NFIC: variants seen among roughly 807,000 people sequenced by gnomAD.
NFIC encodes nuclear factor I C.
A neutral mutation model predicts 54.4 loss-of-function variants in NFIC; 12 were observed. The ratio of observed to expected loss-of-function variants is 0.22; its 90% CI spans 0.14 to 0.36. The LOEUF (loss-of-function observed/expected upper bound fraction) is 0.36. Among genes scored for constraint, NFIC ranks in the 10% least tolerant of loss-of-function variants. The pLI, the probability that NFIC is intolerant of heterozygous loss-of-function variation, is 1.00. For missense variants in NFIC, 575 were observed against 718.2 expected, an observed-to-expected ratio of 0.80 and a Z score of 2.28; for synonymous variants, 322 against 319.2, an observed-to-expected ratio of 1.01 and a Z score of -0.09.
chr19:3,461,350 G>C (rs974847023), intron 10 of NFIC, among the ~76,000 whole-genome samples: 1 of 152,154 alleles, frequency 6.6e-6, no homozygotes, highest in African/African-American at 2.4e-5. Flanking sequence ...TTGAGCCCAG[G>C]AGATGGAGGC....
rs2082355009 is a variant in NFIC, at chr19:3,445,110, CACATGCACAG to C, written c.959-3894_959-3885del. 2.0e-5 allele frequency among the ~76,000 whole-genome samples: 3 copies of C among 152,182 alleles called. No individual in the cohort carries two copies. The South Asian group carries it at 6.2e-4, about 31-fold the overall frequency. On this transcript the variant is annotated intron_variant, in intron 6 of 10. Transcript: ENST00000443272. ...CCACATATGCTCACATGCGTACACA[CACATGCACAG>C]ACATGCACACATGCATGCAGCTGTG...
At chr19:3,381,147 T>C (rs2081199657) in intron 1 of NFIC, among the ~76,000 whole-genome samples, 1 of 151,922 alleles carries the variant, frequency 6.6e-6, no homozygotes, top group Non-Finnish European at 1.5e-5. Context: ...TCCCAGCACT[T>C]GGGGAGGCCG....
chr19:3,431,013 C>T (rs2082112208), intron 3 of NFIC, among the ~76,000 whole-genome samples: 1 of 151,780 alleles, frequency 6.6e-6, no homozygotes, highest in Non-Finnish European at 1.5e-5. Context: ...GTGTCCCTCA[C>T]TGAATGATGT....
chr19:3,452,765 G>T lies in NFIC; in HGVS notation c.1269+99G>T. The T allele has an allele frequency of 7.1e-7, 1 of 1,417,362 alleles. No individual in the cohort carries two copies. Among genetic ancestry groups the T allele is most frequent in the Non-Finnish European group, 9.4e-7 (1 of 1,058,340 alleles). 87.8% of individuals were successfully genotyped at this position (1,417,362 alleles called of 1,614,324 possible). A position where few individuals can be genotyped will look rare whatever the true frequency, so the allele number is the denominator to read the frequency against. On this transcript the variant is annotated intron_variant, in intron 8 of 10. Transcript: ENST00000443272. The surrounding 1 kb of genome is among the most constrained non-coding windows in gnomAD (Gnocchi z 5.3). ...GAAGGCACAACCTCTGCTTAAAAGGGTCTTGAGGACTTGGCTCTGAAGTCC... is the reference window on the plus strand; with the variant it reads ...GAAGGCACAACCTCTGCTTAAAAGGTTCTTGAGGACTTGGCTCTGAAGTCC...
At chr19:3,376,927 G>A (rs1338526315) in intron 1 of NFIC, among the ~76,000 whole-genome samples, 11 of 151,520 alleles carry the variant, frequency 7.3e-5, no homozygotes, top group African/African-American at 2.4e-4. Flanking sequence ...ATGGGGTTTC[G>A]CCATGTTGGC....
At chr19:3,385,306 G>T (rs926346211) in intron 2 of NFIC, among the ~76,000 whole-genome samples, 1 of 151,850 alleles carries the variant, frequency 6.6e-6, no homozygotes, top group Non-Finnish European at 1.5e-5. Flanking sequence ...CACTGGCTGG[G>T]TGATGTGGGG....
intron 2 of NFIC, among the ~76,000 whole-genome samples, chr19:3,394,474 CAACTCA>C (rs958855606): frequency 7.2e-6 from 1 of 139,722 alleles, no homozygotes; most frequent in African/African-American, 2.9e-5. Flanking sequence ...AGCAAGACTT[CAACTCA>C]AAAAAAAAGT....
intron 3 of NFIC, among the ~76,000 whole-genome samples, chr19:3,430,707 G>A (rs931903829): frequency 3.3e-5 from 5 of 151,948 alleles, no homozygotes; most frequent in African/African-American, 1.2e-4. Context: ...GCCAAGGTGG[G>A]TGGATCATGT....
chr19:3,373,826 T>C lies in NFIC; in HGVS notation c.30+7160T>C, dbSNP rs1188843875. ...CTCGGCACCCTACCTGGGACCGGCATGCAGCAGGCACTCACTAAATGTTTG... is the reference window on the plus strand; with the variant it reads ...CTCGGCACCCTACCTGGGACCGGCACGCAGCAGGCACTCACTAAATGTTTG... On this transcript the variant is annotated intron_variant, in intron 1 of 10. Coordinates refer to ENST00000443272, the MANE Select transcript of NFIC (RefSeq NM_001245002.2). Among the ~76,000 whole-genome samples, 4 of 152,170 alleles carry C rather than the reference T, an allele frequency of 2.6e-5. No homozygotes were observed. In the East Asian group the frequency reaches 5.8e-4, roughly 22 times the overall value.
At chr19:3,436,930 C>T (rs1015207650) in intron 6 of NFIC, among the ~76,000 whole-genome samples, 1 of 152,178 alleles carries the variant, frequency 6.6e-6, no homozygotes, top group Admixed American at 6.5e-5. Context: ...GCCTCAGTTT[C>T]TTCATCTCCA....
rs1032969687 is a variant in NFIC at position 3,458,933 on chromosome 19, G to C, written c.1509+2298G>C. Among the ~76,000 whole-genome samples the C allele has an allele frequency of 6.6e-6, 1 of 152,108 alleles. No individual in the cohort carries two copies. Among genetic ancestry groups the C allele is most frequent in the Non-Finnish European group, 1.5e-5 (1 of 67,996 alleles). ...GGGCATCCAGGGAGCACAGGTCTGG[G>C]GAGGACCCCATTGCTGCTGCCCTGA... is the stretch of plus-strand genomic sequence containing the variant. On this transcript the variant is annotated intron_variant, in intron 10 of 10. Transcript: ENST00000443272. The surrounding 1 kb of genome is among the most constrained non-coding windows in gnomAD (Gnocchi z 4.1).
intron 2 of NFIC, among the ~76,000 whole-genome samples, chr19:3,404,411 G>C (rs915120160): frequency 6.6e-6 from 1 of 152,166 alleles, no homozygotes; most frequent in Non-Finnish European, 1.5e-5. Flanking sequence ...GCAGATAATG[G>C]GGAGGGGGCG....
At chr19:3,438,562 C>G (rs887674272) in intron 6 of NFIC, among the ~76,000 whole-genome samples, 2 of 151,904 alleles carry the variant, frequency 1.3e-5, no homozygotes, top group African/African-American at 2.4e-5. Flanking sequence ...CTCAGCCTCC[C>G]GAGTAGCTGG....
chr19:3,365,993 A>C (rs1222130072), upstream of NFIC, among the ~76,000 whole-genome samples: 1 of 147,552 alleles, frequency 6.8e-6, no homozygotes, highest in Non-Finnish European at 1.5e-5. Context: ...AAGGGGAAAG[A>C]GGCGCGCTGG....
chr19:3,444,376 G>A (rs892029835), intron 6 of NFIC, among the ~76,000 whole-genome samples: 3 of 152,220 alleles, frequency 2.0e-5, no homozygotes, highest in African/African-American at 7.2e-5. Flanking sequence ...GCCGGGAGGG[G>A]CGTATGGATG....
intron 10 of NFIC, among the ~76,000 whole-genome samples, chr19:3,460,263 C>G (rs2082620402): frequency 1.3e-5 from 2 of 152,154 alleles, no homozygotes; most frequent in Admixed American, 6.5e-5. Flanking sequence ...TCAGAAGATG[C>G]CAAGGGGATT....
rs537792085 is a variant in NFIC at position 3,437,122 on chromosome 19, C to T, written c.958+1915C>T. Among the ~76,000 whole-genome samples, 749 of 152,176 alleles carry T rather than the reference C, an allele frequency of 4.9e-3. 7 individuals carry two copies. The highest frequency in any genetic ancestry group is 0.017 in the African/African-American group (708 of 41,530). ...GTGGCTCACGCCTGTAATCCCAGCA[C>T]TTTGGGAGGCCGAGGCAGGCGGATC... On this transcript the variant is annotated intron_variant, in intron 6 of 10. Coordinates refer to ENST00000443272, the MANE Select transcript of NFIC (RefSeq NM_001245002.2).
Position 3,466,488 on chromosome 19 carries a change from A to G in NFIC, c.*3719A>G, listed in dbSNP as rs1400689738. 1 of 152,008 alleles carries G rather than the reference A, an allele frequency of 6.6e-6. No homozygotes were observed. Among genetic ancestry groups the G allele is most frequent in the African/African-American group, 2.4e-5 (1 of 41,360 alleles). 9.4% of individuals were successfully genotyped at this position (152,008 alleles called of 1,614,324 possible). On this transcript the variant is annotated 3_prime_UTR_variant, in exon 11 of 11. Coordinates refer to ENST00000443272, the MANE Select transcript of NFIC (RefSeq NM_001245002.2). This position sits in a 1 kb window ranked among gnomAD's most constrained non-coding sequence, Gnocchi z 4.8. ...TTGGGTGGTCTCCACAGCCACCATC[A>G]TACACTCATCCCGTGTTTTCTTCCA...
chr19:3,410,230 C>T (rs2081732675), intron 2 of NFIC, among the ~76,000 whole-genome samples: 3 of 152,050 alleles, frequency 2.0e-5, no homozygotes, highest in South Asian at 2.1e-4. Flanking sequence ...TTAATAGAGA[C>T]GGGGTTTTAC....
Sources: allele counts gnomAD v4.1 joint callset (sites outside exome capture counted in the v4.1 genomes callset), GRCh38; gene constraint gnomAD v4.1.1; non-coding constraint Gnocchi (gnomAD v3.1); transcripts MANE v1.5; gene names NCBI Gene and HGNC (gene_info 2026-07-23, HGNC 2026-07-21).